The following POFUT3 variants were observed in gnomAD, a reference collection of about 807,000 sequenced individuals.
POFUT3 encodes protein O-fucosyltransferase 3, also known as GDP-fucose protein O-fucosyltransferase 3.
chr8:33,422,221 C>A, the POFUT3 span, among the ~76,000 whole-genome samples: 51 of 150,956 alleles, frequency 3.4e-4, no homozygotes, highest in African/African-American at 1.1e-3. Context: ...AGAGGAAGTG[C>A]GCCTTGTTTC....
At chr8:33,400,326 A>G in the POFUT3 span, among the ~76,000 whole-genome samples, 40,314 of 151,642 alleles carry the variant, frequency 0.27, 5,672 homozygotes, top group East Asian at 0.47. Flanking sequence ...AGTGGTACAC[A>G]CCTGTAATCC....
chr8:33,420,968 T>C, the POFUT3 span, among the ~76,000 whole-genome samples: 1 of 151,776 alleles, frequency 6.6e-6, no homozygotes, highest in Non-Finnish European at 1.5e-5. Context: ...AAAATATATA[T>C]ATGTTCATAT....
At chr8:33,372,362 A>G in the POFUT3 span, 5 of 1,329,904 alleles carry the variant, frequency 3.8e-6, no homozygotes, top group Non-Finnish European at 4.8e-6. Context: ...AGTGTCCATA[A>G]GAAATATTTC....
At chr8:33,349,065 C>T in the POFUT3 span, among the ~76,000 whole-genome samples, 3 of 152,186 alleles carry the variant, frequency 2.0e-5, no homozygotes, top group Admixed American at 2.0e-4. Context: ...GGAGGAGATC[C>T]GTGGAGCCTA....
chr8:33,317,522 C>T, the POFUT3 span, among the ~76,000 whole-genome samples: 1 of 152,202 alleles, frequency 6.6e-6, no homozygotes, highest in South Asian at 2.1e-4. Flanking sequence ...CCTTTTAGGC[C>T]AAACCAACGT....
At chr8:33,385,706 AC>A in the POFUT3 span, among the ~76,000 whole-genome samples, 3 of 151,800 alleles carry the variant, frequency 2.0e-5, no homozygotes, top group Non-Finnish European at 4.4e-5. Context: ...ACATGGTGAA[AC>A]CCCATCTGTA....
the POFUT3 span, among the ~76,000 whole-genome samples, chr8:33,346,266 A>G: frequency 6.6e-6 from 1 of 152,078 alleles, no homozygotes; most frequent in African/African-American, 2.4e-5. Context: ...CTTCTAGATC[A>G]ACAGATGTCC....
chr8:33,335,887 A>T, the POFUT3 span, among the ~76,000 whole-genome samples: 1 of 152,100 alleles, frequency 6.6e-6, no homozygotes, highest in Admixed American at 6.5e-5. Context: ...GAAGAGGAGG[A>T]GGAATAAGAG....
chr8:33,416,632 G>A, the POFUT3 span, among the ~76,000 whole-genome samples: 1 of 152,008 alleles, frequency 6.6e-6, no homozygotes, highest in Non-Finnish European at 1.5e-5. Context: ...GATCACTTGA[G>A]GTCAGGAGTT....
At chr8:33,459,465 C>A in the POFUT3 span, among the ~76,000 whole-genome samples, 2 of 151,196 alleles carry the variant, frequency 1.3e-5, no homozygotes, top group Non-Finnish European at 2.9e-5. Flanking sequence ...CATGGTGAAA[C>A]CCCATCTCTA....
At chr8:33,377,405 C>T in the POFUT3 span, 1 of 152,166 alleles carries the variant, frequency 6.6e-6, no homozygotes, top group Admixed American at 6.5e-5. Flanking sequence ...ATGGCTTGCT[C>T]ATGATACTCG....
At chr8:33,310,406 T>C in the POFUT3 span, among the ~76,000 whole-genome samples, 1 of 152,184 alleles carries the variant, frequency 6.6e-6, no homozygotes, top group Non-Finnish European at 1.5e-5. Flanking sequence ...ATGTGTCCTT[T>C]TTCAAAACAC....
At chr8:33,417,878 G>T in the POFUT3 span, among the ~76,000 whole-genome samples, 1 of 152,188 alleles carries the variant, frequency 6.6e-6, no homozygotes, top group Non-Finnish European at 1.5e-5. Flanking sequence ...GCTCCCCAGT[G>T]CAAGGAAGGA....
chr8:33,358,519 C>T, the POFUT3 span, among the ~76,000 whole-genome samples: 1 of 152,078 alleles, frequency 6.6e-6, no homozygotes, highest in African/African-American at 2.4e-5. Context: ...TATCAGTGTT[C>T]AATTTATTAG....
At chr8:33,316,572 A>AAAG in the POFUT3 span, among the ~76,000 whole-genome samples, 184 of 130,696 alleles carry the variant, frequency 1.4e-3, no homozygotes, top group African/African-American at 4.9e-3. Context: ...ACTACAAAAA[A>AAAG]AAAGAAAGAA....
the POFUT3 span, among the ~76,000 whole-genome samples, chr8:33,317,758 C>G: frequency 6.6e-6 from 1 of 152,030 alleles, no homozygotes; most frequent in African/African-American, 2.4e-5. Flanking sequence ...GCTGGGCAAG[C>G]AAACCCCAGT....
chr8:33,325,705 C>A, the POFUT3 span, among the ~76,000 whole-genome samples: 1 of 152,158 alleles, frequency 6.6e-6, no homozygotes, highest in African/African-American at 2.4e-5. Context: ...CCTTCTTTTT[C>A]TAGCCTGAAG....
At chr8:33,413,104 C>A in the POFUT3 span, among the ~76,000 whole-genome samples, 2 of 152,084 alleles carry the variant, frequency 1.3e-5, no homozygotes, top group Admixed American at 6.6e-5. Context: ...TTCTTCCTAC[C>A]TGTTCCTTTC....
chr8:33,383,793 T>C, the POFUT3 span, among the ~76,000 whole-genome samples: 1 of 151,790 alleles, frequency 6.6e-6, no homozygotes, highest in South Asian at 2.1e-4. Context: ...AGTGAGACTG[T>C]CTCAAAAAAC....
Sources: allele counts gnomAD v4.1 joint callset (sites outside exome capture counted in the v4.1 genomes callset), GRCh38; gene constraint gnomAD v4.1.1; transcripts MANE v1.5; gene names NCBI Gene and HGNC (gene_info 2026-07-23, HGNC 2026-07-21).